The following RANBP2 variants were observed in gnomAD, a reference collection of about 807,000 sequenced individuals.
RANBP2 encodes E3 SUMO-protein ligase RanBP2.
In RANBP2, 57 loss-of-function variants were observed where a neutral mutation model predicts 303.6. That is an observed-to-expected ratio of 0.19 (90% confidence interval 0.15 to 0.23). The LOEUF is 0.23. Among genes scored for constraint, RANBP2 ranks in the 10% least tolerant of loss-of-function variants. RANBP2 has a pLI of 1.00. For missense variants in RANBP2, 3,138 were observed against 3,780.8 expected (o/e 0.83, Z 4.46); for synonymous variants, 1,167 against 1,301.5 (o/e 0.90, Z 2.23).
intron 7 of RANBP2, among the ~76,000 whole-genome samples, chr2:108,744,560 A>G (rs1320910440): frequency 6.6e-6 from 1 of 152,198 alleles, no homozygotes; most frequent in South Asian, 2.1e-4. Flanking sequence ...TGATGTCAAC[A>G]TTTTGTTTCT....
At chr2:109,521,972 C>A in the RANBP2 span, among the ~76,000 whole-genome samples, 4 of 152,316 alleles carry the variant, frequency 2.6e-5, no homozygotes, top group Non-Finnish European at 1.5e-5. Context: ...CTCCCAGACC[C>A]ACCCGAGGGT....
the RANBP2 span, among the ~76,000 whole-genome samples, chr2:109,664,670 C>T: frequency 3.9e-5 from 6 of 152,090 alleles, no homozygotes; most frequent in Middle Eastern, 0.014. Context: ...TGGCTCACAC[C>T]TGTAATCCCA....
intron 7 of RANBP2, among the ~76,000 whole-genome samples, chr2:108,745,756 T>C (rs1696457293): frequency 6.6e-6 from 1 of 152,130 alleles, no homozygotes; most frequent in African/African-American, 2.4e-5. Flanking sequence ...AAGTAGGGTG[T>C]CATATCTACT....
the RANBP2 span, among the ~76,000 whole-genome samples, chr2:109,374,763 C>T: frequency 2.4e-3 from 364 of 152,354 alleles, no homozygotes; most frequent in Admixed American, 5.8e-3. Context: ...CTGCAGGCAC[C>T]TGGCAGGGTT....
chr2:109,645,549 G>A, the RANBP2 span, among the ~76,000 whole-genome samples: 3 of 152,186 alleles, frequency 2.0e-5, no homozygotes, highest in East Asian at 5.8e-4. Flanking sequence ...AACAAACCAA[G>A]CCTGGCTGTA....
the RANBP2 span, among the ~76,000 whole-genome samples, chr2:109,521,364 C>G: frequency 9.2e-5 from 14 of 152,260 alleles, no homozygotes; most frequent in African/African-American, 3.4e-4. Context: ...GCCAAGTCAC[C>G]CGAGTGATGA....
At chr2:108,843,844 TTGTGTG>T in the RANBP2 span, among the ~76,000 whole-genome samples, 275 of 22,826 alleles carry the variant, frequency 0.012, 27 homozygotes, top group Non-Finnish European at 0.045. Flanking sequence ...AGTTCATGTT[TTGTGTG>T]TGTGTGTGTG....
At chr2:109,647,720 T>C in the RANBP2 span, among the ~76,000 whole-genome samples, 1 of 152,118 alleles carries the variant, frequency 6.6e-6, no homozygotes. Context: ...TCCACCCGCC[T>C]CAGCCTCCCA....
the RANBP2 span, among the ~76,000 whole-genome samples, chr2:109,155,623 A>G: frequency 1.3e-5 from 2 of 152,024 alleles, no homozygotes; most frequent in East Asian, 1.9e-4. Context: ...TGATGACACA[A>G]TTTTGGCTAT....
the RANBP2 span, among the ~76,000 whole-genome samples, chr2:108,969,484 G>C: frequency 6.6e-6 from 1 of 152,212 alleles, no homozygotes; most frequent in Non-Finnish European, 1.5e-5. Context: ...AAGGCATACA[G>C]GTCCTGGCCC....
At chr2:109,648,652 CTT>C in the RANBP2 span, among the ~76,000 whole-genome samples, 425 of 131,280 alleles carry the variant, frequency 3.2e-3, 2 homozygotes, top group African/African-American at 0.012. Flanking sequence ...TGATTTACAT[CTT>C]TTTTTTTTTT....
the RANBP2 span, among the ~76,000 whole-genome samples, chr2:109,084,685 G>C: frequency 6.6e-6 from 1 of 152,194 alleles, no homozygotes; most frequent in Non-Finnish European, 1.5e-5. Context: ...AGACCTGTGA[G>C]GCTGTTAGGA....
the RANBP2 span, among the ~76,000 whole-genome samples, chr2:109,400,356 A>G: frequency 1.3e-5 from 2 of 152,012 alleles, no homozygotes; most frequent in Non-Finnish European, 2.9e-5. Flanking sequence ...ACTTACATAC[A>G]CCGCCATCCA....
chr2:108,929,442 C>A, the RANBP2 span: 1 of 1,548,484 alleles, frequency 6.5e-7, no homozygotes, highest in Non-Finnish European at 8.9e-7. Context: ...ACGGACTCGG[C>A]CCACAGTCCT....
At chr2:109,550,574 G>A in the RANBP2 span, among the ~76,000 whole-genome samples, 7 of 151,998 alleles carry the variant, frequency 4.6e-5, no homozygotes, top group Admixed American at 1.3e-4. Flanking sequence ...TCGGCCTCCC[G>A]AAGTGCTAGG....
chr2:108,936,370 G>T, the RANBP2 span, among the ~76,000 whole-genome samples: 2 of 152,242 alleles, frequency 1.3e-5, no homozygotes, highest in African/African-American at 4.8e-5. Context: ...GACAGGGAGG[G>T]GAGAGGCTGT....
chr2:109,051,513 A>G, the RANBP2 span, among the ~76,000 whole-genome samples: 1 of 152,244 alleles, frequency 6.6e-6, no homozygotes, highest in South Asian at 2.1e-4. Context: ...GTGCAGAAGC[A>G]TGCAGAATGT....
At chr2:109,318,791 C>T in the RANBP2 span, among the ~76,000 whole-genome samples, 5 of 152,198 alleles carry the variant, frequency 3.3e-5, no homozygotes, top group East Asian at 1.9e-4. Context: ...CCAGCCCTGA[C>T]GAGCTCTGGC....
chr2:109,389,798 T>C, the RANBP2 span, among the ~76,000 whole-genome samples: 4 of 152,146 alleles, frequency 2.6e-5, no homozygotes, highest in Non-Finnish European at 4.4e-5. Flanking sequence ...TACATCAGAA[T>C]ATAAATGCAG....
Sources: gnomAD v4.1 joint callset for allele counts (sites outside exome capture counted in the v4.1 genomes callset) on GRCh38, gnomAD v4.1.1 for gene constraint, MANE v1.5 for transcripts, NCBI Gene and HGNC (gene_info 2026-07-23, HGNC 2026-07-21) for gene names.